The following ACOXL variants were observed in gnomAD, a reference collection of about 807,000 sequenced individuals.
ACOXL encodes the protein acyl-CoA oxidase like.
A neutral mutation model predicts 71.9 loss-of-function variants in ACOXL; 70 were observed. That is an observed-to-expected ratio of 0.97 (90% CI 0.80 to 1.19). The LOEUF (loss-of-function observed/expected upper bound fraction) is 1.19. Ranked by LOEUF, ACOXL falls within the 50% of genes most tolerant of loss-of-function variation. ACOXL has a pLI of 0.00. For synonymous variants in ACOXL, 253 were observed against 281.6 expected (o/e 0.90, Z 1.02); for missense variants, 703 against 736.3 (o/e 0.95, Z 0.52).
rs189107090 is a variant in ACOXL at position 111,032,480 on chromosome 2, C to T, written c.1369+766C>T. 6.0e-3 allele frequency among the ~76,000 whole-genome samples: 914 copies of T among 152,270 alleles called. 9 individuals are homozygous for T. The highest frequency in any genetic ancestry group is 9.0e-3 in the Non-Finnish European group (609 of 68,022). Reference sequence around the variant, plus strand: ...ACTGAACACCAAGTAAGATCCATGACGGCTTATCATTGAAATTATTGTTTA... The same window carrying T: ...ACTGAACACCAAGTAAGATCCATGATGGCTTATCATTGAAATTATTGTTTA... On this transcript the variant is annotated intron_variant, in intron 15 of 17. Transcript: ENST00000439055.
At chr2:110,813,752 C>T (rs1253276453) in intron 9 of ACOXL, among the ~76,000 whole-genome samples, 1 of 152,320 alleles carries the variant, frequency 6.6e-6, no homozygotes, top group Non-Finnish European at 1.5e-5. Context: ...AAGGCAACAA[C>T]AGCTCAAGCC....
intron 16 of ACOXL, among the ~76,000 whole-genome samples, chr2:111,065,646 C>T (rs576262757): frequency 1.3e-5 from 2 of 152,232 alleles, no homozygotes; most frequent in East Asian, 3.9e-4. Context: ...CTACAATATA[C>T]AAGGAACAAT....
chr2:110,880,038 C>G (rs1196172793), intron 10 of ACOXL, among the ~76,000 whole-genome samples: 1 of 151,090 alleles, frequency 6.6e-6, no homozygotes, highest in Admixed American at 6.6e-5. Flanking sequence ...CCCAGCTACT[C>G]AGGAGGCTGA....
chr2:110,832,305 G>C (rs943265920), intron 9 of ACOXL, among the ~76,000 whole-genome samples: 3 of 152,134 alleles, frequency 2.0e-5, no homozygotes, highest in East Asian at 1.9e-4. Context: ...TTGGGAGGCC[G>C]AGGCGGGTGG....
chr2:110,761,386 C>G (rs1264151212), intron 1 of ACOXL, among the ~76,000 whole-genome samples: 1 of 152,124 alleles, frequency 6.6e-6, no homozygotes, highest in Non-Finnish European at 1.5e-5. Context: ...AACATTTCTC[C>G]TTTGAATTGT....
chr2:110,837,967 C>A (rs1331019059), intron 9 of ACOXL, among the ~76,000 whole-genome samples: 1 of 152,200 alleles, frequency 6.6e-6, no homozygotes, highest in East Asian at 1.9e-4. Context: ...CCTCCCTCCC[C>A]TCTCTCTTCT....
At chr2:110,946,759 G>A (rs541317404) in intron 12 of ACOXL, among the ~76,000 whole-genome samples, 66 of 152,208 alleles carry the variant, frequency 4.3e-4, no homozygotes, top group Non-Finnish European at 7.9e-4. Context: ...CCCGTGGTTA[G>A]TGTTAGCTGG....
At chr2:110,992,678 G>C (rs2063225278) in intron 13 of ACOXL, among the ~76,000 whole-genome samples, 1 of 152,206 alleles carries the variant, frequency 6.6e-6, no homozygotes, top group African/African-American at 2.4e-5. Context: ...AGCCCTGAAA[G>C]GAAGTGGCTT....
At chr2:111,076,154 G>A (rs902493238) in intron 16 of ACOXL, among the ~76,000 whole-genome samples, 5 of 151,976 alleles carry the variant, frequency 3.3e-5, no homozygotes, top group Admixed American at 6.6e-5. Flanking sequence ...TCTGTCTATC[G>A]ACTGATAATC....
At chr2:110,781,413 G>T (rs942901988) in intron 2 of ACOXL, among the ~76,000 whole-genome samples, 1 of 151,854 alleles carries the variant, frequency 6.6e-6, no homozygotes, top group African/African-American at 2.4e-5. Flanking sequence ...AGGTGGAGGC[G>T]GGCGGATCAT....
Position 111,070,748 on chromosome 2 carries a change from T to C in ACOXL, c.1440+21460T>C, listed in dbSNP as rs183469165. Among the ~76,000 whole-genome samples the C allele has an allele frequency of 4.1e-3, 624 of 152,188 alleles. 3 individuals are homozygous for C. Among genetic ancestry groups the C allele is most frequent in the Non-Finnish European group, 6.9e-3 (467 of 67,904 alleles). ...TCTTGTAGATGGGTTTTCTGTACTT[T>C]TCATTTCCCGCCAGTTGAAGCGGCC... On this transcript the variant is annotated intron_variant, in intron 16 of 17. Coordinates refer to ENST00000439055, the MANE Select transcript of ACOXL (RefSeq NM_001142807.4).
intron 10 of ACOXL, among the ~76,000 whole-genome samples, chr2:110,898,267 G>A (rs28806919): frequency 6.3e-4 from 95 of 151,686 alleles, no homozygotes; most frequent in Admixed American, 1.3e-3. Flanking sequence ...TACTGATCCC[G>A]GAACCAAATA....
chr2:110,829,205 CT>C (rs1280195472), intron 9 of ACOXL, among the ~76,000 whole-genome samples: 1 of 152,150 alleles, frequency 6.6e-6, no homozygotes, highest in African/African-American at 2.4e-5. Context: ...TGTTTCGTGA[CT>C]TTTCTTTTTG....
chr2:110,815,517 G>A (rs888132612), intron 9 of ACOXL, among the ~76,000 whole-genome samples: 10 of 152,184 alleles, frequency 6.6e-5, no homozygotes, highest in Non-Finnish European at 1.5e-4. Flanking sequence ...TCAATACAGG[G>A]ACCTTAGAAG....
At chr2:110,880,100 G>GTACCAC (rs1696431831) in intron 10 of ACOXL, among the ~76,000 whole-genome samples, 1 of 141,076 alleles carries the variant, frequency 7.1e-6, no homozygotes, top group Non-Finnish European at 1.5e-5. Context: ...GACCGAGTTT[G>GTACCAC]TACCACTGCA....
At chr2:110,790,968 A>G (rs554499703) in intron 3 of ACOXL, among the ~76,000 whole-genome samples, 1 of 152,156 alleles carries the variant, frequency 6.6e-6, no homozygotes, top group East Asian at 1.9e-4. Context: ...TCCAGAATCT[A>G]CCCTGAATCC....
At chr2:110,983,620 C>T (rs953380915) in intron 12 of ACOXL, among the ~76,000 whole-genome samples, 4 of 152,160 alleles carry the variant, frequency 2.6e-5, no homozygotes, top group Non-Finnish European at 4.4e-5. Flanking sequence ...AAACACCACC[C>T]ACAATCACCT....
intron 16 of ACOXL, among the ~76,000 whole-genome samples, chr2:111,084,712 A>G (rs570920463): frequency 6.6e-6 from 1 of 152,282 alleles, no homozygotes; most frequent in East Asian, 1.9e-4. Flanking sequence ...TCAAATCCAC[A>G]CATATCAATA....
At chr2:110,942,109 A>G (rs1268603226) in intron 12 of ACOXL, among the ~76,000 whole-genome samples, 1 of 152,252 alleles carries the variant, frequency 6.6e-6, no homozygotes, top group Non-Finnish European at 1.5e-5. Flanking sequence ...CTATTATTTG[A>G]AAGTAGACTG....
Sources: allele counts gnomAD v4.1 joint callset (sites outside exome capture counted in the v4.1 genomes callset), GRCh38; gene constraint gnomAD v4.1.1; transcripts MANE v1.5; gene names NCBI Gene and HGNC (gene_info 2026-07-23, HGNC 2026-07-21).